DNAH17: variants seen among roughly 807,000 people sequenced by gnomAD.
The protein encoded by DNAH17 is dynein axonemal heavy chain 17, also known as axonemal beta dynein heavy chain 17.
A neutral mutation model predicts 485.6 loss-of-function variants in DNAH17; 376 were observed. That is an observed-to-expected ratio of 0.77 (90% confidence interval 0.71 to 0.84). DNAH17 has a LOEUF of 0.84. Among genes scored for constraint, DNAH17 ranks in the 40% least tolerant of loss-of-function variants. DNAH17 has a pLI of 0.00. For missense variants in DNAH17, 6,370 were observed against 5,839.3 expected (o/e 1.09, Z -2.96); for synonymous variants, 3,031 against 2,405.9 (o/e 1.26, Z -7.60).
chr17:78,493,822 C>T (rs1242204460), intron 41 of DNAH17, among the ~76,000 whole-genome samples: 6 of 152,226 alleles, frequency 3.9e-5, no homozygotes, highest in Admixed American at 3.9e-4. Context: ...AGGGAGGCCT[C>T]ACCCAGGGAT....
intron 62 of DNAH17, among the ~76,000 whole-genome samples, chr17:78,456,420 G>A (rs190949994): frequency 4.1e-4 from 63 of 152,206 alleles, no homozygotes; most frequent in African/African-American, 1.3e-3. Flanking sequence ...ATTGACACCC[G>A]GCTATGGCTG....
At position 78,529,473 on chromosome 17, in the gene DNAH17, T is replaced by TGCA. The variant is rs1555684113; in HGVS notation, c.3503_3505dup (p.Leu1168dup). On this transcript the variant is annotated inframe_insertion and splice_region_variant, in exon 22 of 81. Transcript: ENST00000389840. ...CAGCCACACCCACCCACCACGTACC[T>TGCA]GCAGCTTCAAGTGGATCTCCTCTGG... 3 of 1,613,820 alleles carry TGCA rather than the reference T, an allele frequency of 1.9e-6. No homozygotes were observed. The South Asian group carries it at 3.3e-5, about 18-fold the overall frequency.
intron 17 of DNAH17, among the ~76,000 whole-genome samples, chr17:78,540,344 G>T (rs1204469482): frequency 1.6e-4 from 23 of 145,764 alleles, no homozygotes; most frequent in Non-Finnish European, 7.5e-5. Flanking sequence ...TGGTGGGTGG[G>T]TGGGGTGGGT....
chr17:78,553,492 G>C (rs535275681), intron 14 of DNAH17, among the ~76,000 whole-genome samples: 1 of 151,840 alleles, frequency 6.6e-6, no homozygotes, highest in African/African-American at 2.4e-5. Context: ...AGTAGACGCA[G>C]GGTTTCACTA....
At chr17:78,442,803 C>T (rs959811616) in intron 71 of DNAH17, among the ~76,000 whole-genome samples, 1 of 152,166 alleles carries the variant, frequency 6.6e-6, no homozygotes, top group African/African-American at 2.4e-5. Flanking sequence ...GTGTTGCGCA[C>T]GTGGGGGTGG....
intron 54 of DNAH17, among the ~76,000 whole-genome samples, chr17:78,471,062 C>T (rs903536181): frequency 9.9e-5 from 15 of 152,140 alleles, no homozygotes; most frequent in African/African-American, 1.2e-4. Flanking sequence ...AGCGTTTTGG[C>T]GATTTGCTTA....
chr17:78,423,812 A>C lies in DNAH17; in HGVS notation c.*94T>G. On this transcript the variant is annotated 3_prime_UTR_variant, in exon 81 of 81. Coordinates refer to ENST00000389840, the MANE Select transcript of DNAH17 (RefSeq NM_173628.4). ...TTATTTAAGAGAACGAAAAACCACCACCAGTTCCTGTAAAGAATAAGTCAC... is the reference window on the plus strand; with the variant it reads ...TTATTTAAGAGAACGAAAAACCACCCCCAGTTCCTGTAAAGAATAAGTCAC... 1 of 1,485,982 alleles carries C rather than the reference A, an allele frequency of 6.7e-7. No homozygotes were observed. The highest frequency in any genetic ancestry group is 1.2e-5 in the South Asian group (1 of 80,036). 92.0% of individuals were successfully genotyped at this position (1,485,982 alleles called of 1,614,324 possible).
At chr17:78,463,172 G>T in intron 56 of DNAH17, 95 bp from the exon 57 acceptor site, 2 of 1,137,740 alleles carry the variant, frequency 1.8e-6, no homozygotes, top group Non-Finnish European at 2.6e-6. Context: ...TGGACAAGGT[G>T]CCCTGAGACC....
rs773705431 is a variant in DNAH17 at position 78,494,667 on chromosome 17, C to G, written c.6196G>C (p.Val2066Leu). 1 of 1,613,986 alleles carries G rather than the reference C, an allele frequency of 6.2e-7. No homozygotes were observed. Among genetic ancestry groups the G allele is most frequent in the Middle Eastern group, 1.6e-4 (1 of 6,062 alleles). The change falls in exon 40 of 81, where the codon GTA becomes CTA. Residue 2066 changes from valine to leucine, a missense_variant. Physicochemically the swap from Val to Leu is conservative, Grantham distance 32. Coordinates refer to ENST00000389840, the MANE Select transcript of DNAH17 (RefSeq NM_173628.4). ...AGGTCCCCGATCAGTCCCATGAATA[C>G]GGGCAGGTCGTCTGTCACAATCTTG... ...IPKIVTDDLP[V>L]FMGLIGDLFP...
chr17:78,426,696 T>C, intron 78 of DNAH17, 96 bp from the exon 79 acceptor site: 1 of 1,493,632 alleles, frequency 6.7e-7, no homozygotes, highest in Non-Finnish European at 9.0e-7. Flanking sequence ...ACAGTGTGGC[T>C]TTGTGCTGCG....
intron 54 of DNAH17, among the ~76,000 whole-genome samples, chr17:78,473,938 G>A (rs890666092): frequency 2.0e-5 from 3 of 152,170 alleles, no homozygotes; most frequent in African/African-American, 7.2e-5. Context: ...CCGCTCATGG[G>A]TCCAGAGGAC....
Position 78,558,243 on chromosome 17 carries a change from A to T in DNAH17, c.2043T>A (p.Val681=). ...AATTCAAATACTTGACTTCTCTCAG[A>T]ACTGCCACCAACTAAATGACAAACG... is the stretch of plus-strand genomic sequence containing the variant. The part of the protein sequence containing the change: ...HVNFSKALVA[V]LREVKYLNFQ... Residue 681 remains valine (V), a synonymous_variant, in exon 14 of 81, where the codon GTT becomes GTA. Transcript: ENST00000389840. 1.2e-6 allele frequency: 2 copies of T among 1,613,554 alleles called. No individual in the cohort carries two copies. The highest frequency in any genetic ancestry group is 1.7e-6 in the Non-Finnish European group (2 of 1,179,704).
intron 78 of DNAH17, 78 bp from the exon 79 acceptor site, chr17:78,426,678 T>C (rs1359042346): frequency 2.0e-6 from 3 of 1,517,354 alleles, no homozygotes; most frequent in South Asian, 2.6e-5. Flanking sequence ...GTGTCATGAG[T>C]TGTCAACACA....
At chr17:78,502,177 A>G (rs2090320155) in intron 33 of DNAH17, 1 of 415,530 alleles carries the variant, frequency 2.4e-6, no homozygotes, top group East Asian at 4.9e-5. Flanking sequence ...ATTTTTACAT[A>G]TAAATCAATT....
At position 78,543,899 on chromosome 17, in the gene DNAH17, T is replaced by G. The variant is rs766181652; in HGVS notation, c.2490A>C (p.Ala830=). The G allele has an allele frequency of 6.2e-7, 1 of 1,614,078 alleles. No individual in the cohort carries two copies. The change falls in exon 17 of 81, where the codon GCA becomes GCC. Residue 830 remains alanine (A), a synonymous_variant. Coordinates refer to ENST00000389840, the MANE Select transcript of DNAH17 (RefSeq NM_173628.4). ...GRIANLNKRY[A]AVRDAGVKIQ... ...TCTTCACTCCAGCATCCCTGACTGC[T>G]GCGTAGCGCTTGTTGAGGTTGGCAA...
At chr17:78,546,206 A>C (rs1461111628) in intron 16 of DNAH17, among the ~76,000 whole-genome samples, 1 of 152,232 alleles carries the variant, frequency 6.6e-6, no homozygotes. Context: ...GACTACAGGC[A>C]TGAGCCATTG....
chr17:78,425,281 T>C (rs1428867103), intron 80 of DNAH17, 65 bp downstream of exon 80: 2 of 1,037,670 alleles, frequency 1.9e-6, no homozygotes, highest in African/African-American at 2.2e-5. Context: ...GAGCTAGTTT[T>C]ATCTTGTCTT....
In DNAH17 at chr17:78,561,471, G is replaced by T. The variant is rs376339083; in HGVS notation, c.1835+244C>A. On this transcript the variant is annotated intron_variant, in intron 12 of 80. Coordinates refer to ENST00000389840, the MANE Select transcript of DNAH17 (RefSeq NM_173628.4). ...GCCTCTTCCTGTTCCTGCCTGGGTG[G>T]TCTTCATGTCTACCAGGCTGGTGGG... Among the ~76,000 whole-genome samples, 5 of 152,220 alleles carry T rather than the reference G, an allele frequency of 3.3e-5. No individual in the cohort carries two copies. In the South Asian group the frequency reaches 1.0e-3, roughly 32 times the overall value.
intron 15 of DNAH17, 131 bp downstream of exon 15, chr17:78,552,566 C>T (rs2091927221): frequency 3.7e-6 from 2 of 535,688 alleles, no homozygotes. Context: ...ATCCTTTAGC[C>T]CCCTTGAAGT....
Sources: allele counts gnomAD v4.1 joint callset (sites outside exome capture counted in the v4.1 genomes callset), GRCh38; gene constraint gnomAD v4.1.1; transcripts MANE v1.5; gene names NCBI Gene and HGNC (gene_info 2026-07-23, HGNC 2026-07-21).